The following SCARA5 variants were observed in gnomAD, a reference collection of about 807,000 sequenced individuals.
The protein encoded by SCARA5 is scavenger receptor class A member 5.
In SCARA5, 45 loss-of-function variants were observed where a neutral mutation model predicts 46.3. That is an observed-to-expected ratio of 0.97 (90% CI 0.76 to 1.24). The LOEUF is 1.24. Among genes scored for constraint, SCARA5 ranks in the 50% most tolerant of loss-of-function variants. SCARA5 has a pLI of 0.00. For missense variants in SCARA5, 680 were observed against 689.0 expected (o/e 0.99, Z 0.15); for synonymous variants, 333 against 306.5 (o/e 1.09, Z -0.90).
intron 3 of SCARA5, 73 bp from the exon 4 acceptor site, chr8:27,922,318 GTCAGAGCCTGGCATGC>G: frequency 9.1e-7 from 1 of 1,099,558 alleles, no homozygotes; most frequent in Non-Finnish European, 1.3e-6. Context: ...GGCGAACCCA[GTCAGAGCCTGGCATGC>G]AGTAGGTGCT....
chr8:27,976,780 G>C (rs1175728309), intron 2 of SCARA5, among the ~76,000 whole-genome samples: 1 of 152,176 alleles, frequency 6.6e-6, no homozygotes, highest in Non-Finnish European at 1.5e-5. Flanking sequence ...AGCAGGCCAT[G>C]CCAGAGGAGG....
rs752105494 is a variant in SCARA5, at chr8:27,922,091, C to A, written c.396G>T (p.Leu132=). ...TEQVWKVQDA[L]QNQSDSLLAL... ...CCAGCAACGAGTCTGACTGGTTCTG[C>A]AGCGCGTCCTGCACCTTCCACACCT... The change falls in exon 4 of 9, where the codon CTG becomes CTT. Residue 132 remains leucine, a synonymous_variant. Coordinates refer to ENST00000354914, the MANE Select transcript of SCARA5 (RefSeq NM_173833.6). 4 of 1,601,418 alleles carry A rather than the reference C, an allele frequency of 2.5e-6. No homozygotes were observed. In the East Asian group the frequency reaches 9.0e-5, roughly 36 times the overall value.
At chr8:27,934,421 A>C (rs1183054895) in intron 3 of SCARA5, among the ~76,000 whole-genome samples, 1 of 152,098 alleles carries the variant, frequency 6.6e-6, no homozygotes. Flanking sequence ...TAAAACTCAG[A>C]GTGTTCTCAC....
rs193143335 is a variant in SCARA5, at chr8:27,909,079, G to A, written c.997+584C>T. On this transcript the variant is annotated intron_variant, in intron 5 of 8. Coordinates refer to ENST00000354914, the MANE Select transcript of SCARA5 (RefSeq NM_173833.6). The stretch of plus-strand genomic sequence containing the variant: ...GCAAGGTACAATGAAGGAACTCAAC[G>A]GGAGCTTGGGAGACAGTGAGTCTAA... 29 of 152,292 alleles carry A rather than the reference G, an allele frequency of 1.9e-4. 3 individuals are homozygous for A. Among genetic ancestry groups the A allele is most frequent in the Admixed American group, 1.2e-3 (19 of 15,298 alleles). The allele number at this position is 152,292 out of a possible 1,614,324, so 9.4% of individuals were successfully genotyped here.
At chr8:27,947,845 A>G (rs1808062611) in intron 3 of SCARA5, among the ~76,000 whole-genome samples, 1 of 152,210 alleles carries the variant, frequency 6.6e-6, no homozygotes, top group South Asian at 2.1e-4. Context: ...ACTGTACTCC[A>G]GTCTAGGTGA....
intron 3 of SCARA5, among the ~76,000 whole-genome samples, chr8:27,946,830 T>G (rs896574296): frequency 6.6e-6 from 1 of 152,170 alleles, no homozygotes; most frequent in African/African-American, 2.4e-5. Flanking sequence ...CTTGGGCATC[T>G]GCATTTCAAA....
At chr8:27,956,351 A>C (rs975059817) in intron 3 of SCARA5, among the ~76,000 whole-genome samples, 1 of 152,216 alleles carries the variant, frequency 6.6e-6, no homozygotes, top group East Asian at 1.9e-4. Context: ...TGAGATTTAC[A>C]AGTAAAGCAG....
rs1047856272 is a variant in SCARA5, at chr8:27,871,546, T to C, written c.*388A>G. On this transcript the variant is annotated 3_prime_UTR_variant, in exon 9 of 9. Coordinates refer to ENST00000354914, the MANE Select transcript of SCARA5 (RefSeq NM_173833.6). ...TGTCTGAAGAGTAAATGATCTATAC[T>C]ACCAACCATCGCTGCTGCTGCACTT... 5.6e-6 allele frequency: 6 copies of C among 1,068,632 alleles called. No individual in the cohort carries two copies. Among genetic ancestry groups the C allele is most frequent in the Non-Finnish European group, 6.8e-6 (6 of 880,216 alleles). 66.2% of individuals were successfully genotyped at this position (1,068,632 alleles called of 1,614,324 possible). A position where few individuals can be genotyped will look rare whatever the true frequency, so the allele number is the denominator to read the frequency against.
intron 4 of SCARA5, among the ~76,000 whole-genome samples, chr8:27,913,984 T>TC (rs1360362824): frequency 4.6e-5 from 7 of 152,166 alleles, no homozygotes; most frequent in African/African-American, 1.7e-4. Flanking sequence ...TTTGGCTGTG[T>TC]CCCCACCCAA....
chr8:27,942,225 C>T (rs1485595691), intron 3 of SCARA5, among the ~76,000 whole-genome samples: 1 of 152,134 alleles, frequency 6.6e-6, no homozygotes, highest in Non-Finnish European at 1.5e-5. Flanking sequence ...CTTGCAGCCC[C>T]AAGTCAGAGT....
chr8:27,928,533 G>A (rs1807716607), intron 3 of SCARA5, among the ~76,000 whole-genome samples: 1 of 152,166 alleles, frequency 6.6e-6, no homozygotes, highest in African/African-American at 2.4e-5. Flanking sequence ...ACAGTATACC[G>A]TGGTGACTGA....
At chr8:27,945,416 A>T (rs997720149) in intron 3 of SCARA5, among the ~76,000 whole-genome samples, 1 of 152,184 alleles carries the variant, frequency 6.6e-6, no homozygotes, top group African/African-American at 2.4e-5. Flanking sequence ...ATGTGTGTCC[A>T]TATTAATTGA....
chr8:27,907,506 G>A (rs1156295769), intron 5 of SCARA5, among the ~76,000 whole-genome samples: 3 of 151,960 alleles, frequency 2.0e-5, no homozygotes, highest in Non-Finnish European at 4.4e-5. Flanking sequence ...TGACGGTGGG[G>A]GTGCCTATTC....
chr8:27,872,366 G>A (rs1029698483), intron 8 of SCARA5, among the ~76,000 whole-genome samples: 3 of 152,236 alleles, frequency 2.0e-5, no homozygotes, highest in African/African-American at 4.8e-5. Context: ...GGCTATTAAA[G>A]TCTTAAACTC....
chr8:27,972,811 C>A (rs1354104862), intron 2 of SCARA5, among the ~76,000 whole-genome samples: 1 of 105,178 alleles, frequency 9.5e-6, no homozygotes, highest in Non-Finnish European at 2.1e-5. Flanking sequence ...CTGTAGTGAG[C>A]TGTGTCACCA....
intron 7 of SCARA5, among the ~76,000 whole-genome samples, chr8:27,881,747 T>C (rs1401120034): frequency 1.3e-5 from 2 of 152,030 alleles, no homozygotes; most frequent in Non-Finnish European, 2.9e-5. Flanking sequence ...GCAGAAAAAT[T>C]GATTGAAAGG....
intron 8 of SCARA5, among the ~76,000 whole-genome samples, chr8:27,872,975 G>A (rs1050329168): frequency 2.0e-4 from 30 of 152,144 alleles, no homozygotes; most frequent in African/African-American, 6.8e-4. Context: ...CTGCGGTGGC[G>A]GGGGATCATT....
chr8:27,962,793 A>T (rs1808312527), intron 3 of SCARA5, among the ~76,000 whole-genome samples: 1 of 152,222 alleles, frequency 6.6e-6, no homozygotes, highest in African/African-American at 2.4e-5. Flanking sequence ...GGGTGTATGT[A>T]TTCATGATTT....
chr8:27,970,282 C>T (rs1808429118), intron 2 of SCARA5, among the ~76,000 whole-genome samples: 1 of 152,180 alleles, frequency 6.6e-6, no homozygotes, highest in Non-Finnish European at 1.5e-5. Flanking sequence ...AATATCTTTA[C>T]TGCAACCGAG....
Sources: gnomAD v4.1 joint callset for allele counts (sites outside exome capture counted in the v4.1 genomes callset) on GRCh38, gnomAD v4.1.1 for gene constraint, MANE v1.5 for transcripts, NCBI Gene and HGNC (gene_info 2026-07-23, HGNC 2026-07-21) for gene names.